The following MPPED2 variants were observed in gnomAD, a reference collection of about 807,000 sequenced individuals.
The protein encoded by MPPED2 is metallophosphoesterase domain containing 2.
A neutral mutation model predicts 33.0 loss-of-function variants in MPPED2; 5 were observed. The observed-to-expected ratio is 0.15, with a 90% confidence interval of 0.08 to 0.32. The LOEUF (loss-of-function observed/expected upper bound fraction) is 0.32. Among genes scored for constraint, MPPED2 ranks in the 10% least tolerant of loss-of-function variants. MPPED2 has a pLI of 1.00. For synonymous variants in MPPED2, 136 were observed against 141.9 expected, an observed-to-expected ratio of 0.96 and a Z score of 0.29; for missense variants, 275 against 372.1, an observed-to-expected ratio of 0.74 and a Z score of 2.15.
intron 4 of MPPED2, among the ~76,000 whole-genome samples, chr11:30,476,456 C>T (rs531182209): frequency 3.3e-5 from 5 of 152,038 alleles, no homozygotes; most frequent in South Asian, 2.1e-4. Context: ...GTAAAGGTCA[C>T]GGTTTTCCAT....
chr11:30,410,633 T>TA lies in MPPED2; in HGVS notation c.*834dup. ...TTCCTTCCGACTTCTGATGTGTTGCTATACAGCATCCCTTTGCAGTTGTAC... is the reference window on the plus strand; with the variant it reads ...TTCCTTCCGACTTCTGATGTGTTGCTAATACAGCATCCCTTTGCAGTTGTAC... On this transcript the variant is annotated 3_prime_UTR_variant, in exon 7 of 7. Coordinates refer to ENST00000358117, the MANE Select transcript of MPPED2 (RefSeq NM_001584.3). The TA allele has an allele frequency of 1.7e-5, 17 of 985,786 alleles. No individual in the cohort carries two copies. Among genetic ancestry groups the TA allele is most frequent in the Non-Finnish European group, 2.0e-5 (17 of 829,884 alleles). 61.1% of individuals were successfully genotyped at this position (985,786 alleles called of 1,614,324 possible). A position where few individuals can be genotyped will look rare whatever the true frequency, so the allele number is the denominator to read the frequency against.
intron 3 of MPPED2, among the ~76,000 whole-genome samples, chr11:30,503,998 AC>A (rs1181206737): frequency 1.3e-5 from 2 of 152,144 alleles, no homozygotes; most frequent in South Asian, 2.1e-4. Flanking sequence ...ATATAGTCAG[AC>A]CTGTTATCAC....
chr11:30,557,006 T>C (rs1432302549), intron 2 of MPPED2, among the ~76,000 whole-genome samples: 1 of 151,904 alleles, frequency 6.6e-6, no homozygotes, highest in African/African-American at 2.4e-5. Flanking sequence ...ATAAGGGGGT[T>C]AGTTTTACAC....
intron 6 of MPPED2, among the ~76,000 whole-genome samples, chr11:30,405,027 G>A (rs1013664329): frequency 6.6e-6 from 1 of 152,156 alleles, no homozygotes; most frequent in Non-Finnish European, 1.5e-5. Context: ...GTATATGTGG[G>A]AGGCTATGGC....
At chr11:30,571,728 T>C (rs1314807251) in intron 2 of MPPED2, among the ~76,000 whole-genome samples, 1 of 152,192 alleles carries the variant, frequency 6.6e-6, no homozygotes, top group African/African-American at 2.4e-5. Context: ...GCTTCTCCTT[T>C]TTGGAAACAG....
At chr11:30,549,912 A>C (rs1479325796) in intron 2 of MPPED2, among the ~76,000 whole-genome samples, 1 of 152,158 alleles carries the variant, frequency 6.6e-6, no homozygotes, top group African/African-American at 2.4e-5. Flanking sequence ...CTTGTTTTTA[A>C]ATCATCTTTT....
chr11:30,451,143 C>T (rs952082939), intron 4 of MPPED2, among the ~76,000 whole-genome samples: 1 of 152,212 alleles, frequency 6.6e-6, no homozygotes, highest in African/African-American at 2.4e-5. Context: ...TGGGACTAGA[C>T]TTCTTTCTCT....
At chr11:30,459,687 A>C (rs1950442110) in intron 4 of MPPED2, among the ~76,000 whole-genome samples, 1 of 152,188 alleles carries the variant, frequency 6.6e-6, no homozygotes, top group Admixed American at 6.5e-5. Flanking sequence ...GAACGAGTTA[A>C]CAGTTACCTG....
chr11:30,581,850 C>G (rs1314807745), intron 1 of MPPED2, among the ~76,000 whole-genome samples: 1 of 152,318 alleles, frequency 6.6e-6, no homozygotes, highest in East Asian at 1.9e-4. Context: ...GTCAAGTGCA[C>G]TGCCAAGAGA....
intron 2 of MPPED2, among the ~76,000 whole-genome samples, chr11:30,552,398 G>A (rs746985443): frequency 3.9e-5 from 6 of 152,074 alleles, no homozygotes; most frequent in Non-Finnish European, 8.8e-5. Flanking sequence ...GATAATTAAC[G>A]TTAGTAAAAT....
At chr11:30,474,947 G>C (rs1374150636) in intron 4 of MPPED2, among the ~76,000 whole-genome samples, 1 of 152,166 alleles carries the variant, frequency 6.6e-6, no homozygotes, top group Non-Finnish European at 1.5e-5. Flanking sequence ...TAACTTGACA[G>C]ATTAGAGAAT....
intron 3 of MPPED2, among the ~76,000 whole-genome samples, chr11:30,522,112 G>A (rs1275372226): frequency 6.6e-6 from 1 of 151,916 alleles, no homozygotes; most frequent in Non-Finnish European, 1.5e-5. Flanking sequence ...GTTTTGATTT[G>A]GTTTGAGTTT....
intron 4 of MPPED2, among the ~76,000 whole-genome samples, chr11:30,443,106 G>A (rs1259027621): frequency 6.6e-6 from 1 of 151,962 alleles, no homozygotes; most frequent in African/African-American, 2.4e-5. Context: ...TAGACACACA[G>A]ACTCCTGAAA....
At chr11:30,500,836 G>A (rs991859948) in intron 3 of MPPED2, among the ~76,000 whole-genome samples, 1 of 152,150 alleles carries the variant, frequency 6.6e-6, no homozygotes, top group African/African-American at 2.4e-5. Context: ...TGTTGAGTAA[G>A]TGAAGGAACG....
intron 6 of MPPED2, chr11:30,388,971 GAGAA>G (rs1947736115): frequency 6.4e-7 from 1 of 1,552,820 alleles, no homozygotes; most frequent in Non-Finnish European, 8.7e-7. Flanking sequence ...AGGGGAGAGA[GAGAA>G]AGAGAGAGGG....
At chr11:30,576,211 G>A (rs1425712537) in intron 2 of MPPED2, among the ~76,000 whole-genome samples, 1 of 152,162 alleles carries the variant, frequency 6.6e-6, no homozygotes, top group Non-Finnish European at 1.5e-5. Context: ...GGAAGTTAGA[G>A]TATGTATTCA....
At chr11:30,572,703 T>A (rs1005345916) in intron 2 of MPPED2, among the ~76,000 whole-genome samples, 4 of 152,190 alleles carry the variant, frequency 2.6e-5, no homozygotes, top group African/African-American at 9.6e-5. Flanking sequence ...AGTGCCATTT[T>A]ACAGAGTCCC....
intron 4 of MPPED2, among the ~76,000 whole-genome samples, chr11:30,479,650 AT>A (rs1362177252): frequency 2.7e-5 from 4 of 150,416 alleles, no homozygotes; most frequent in South Asian, 2.1e-4. Context: ...GGAAAAAAAA[AT>A]ACCATTTGAT....
exon 7 of MPPED2, chr11:30,388,649 C>A (rs751303535): frequency 5.4e-6 from 2 of 371,708 alleles, no homozygotes; most frequent in Non-Finnish European, 9.6e-6. Context: ...ATGCACTGGC[C>A]CCACCTCCCC....
Sources: gnomAD v4.1 joint callset for allele counts (sites outside exome capture counted in the v4.1 genomes callset) on GRCh38, gnomAD v4.1.1 for gene constraint, MANE v1.5 for transcripts, NCBI Gene and HGNC (gene_info 2026-07-23, HGNC 2026-07-21) for gene names.